Variants in KCNAB1 observed in about 807,000 individuals in gnomAD.
KCNAB1 encodes the protein potassium voltage-gated channel subfamily A regulatory beta subunit 1.
KCNAB1 carries 35 observed loss-of-function variants against 64.6 expected under a neutral mutation model. The observed-to-expected ratio is 0.54, with a 90% CI of 0.41 to 0.72. The LOEUF is 0.72. Ranked by LOEUF, KCNAB1 falls within the 30% of genes least tolerant of loss-of-function variation. The pLI is 0.00. For missense variants in KCNAB1, 401 were observed against 512.9 expected, an observed-to-expected ratio of 0.78 and a Z score of 2.11; for synonymous variants, 177 against 183.8, an observed-to-expected ratio of 0.96 and a Z score of 0.30.
At chr3:156,206,835 G>T (rs1386235552) in intron 1 of KCNAB1, among the ~76,000 whole-genome samples, 2 of 152,048 alleles carry the variant, frequency 1.3e-5, no homozygotes, top group African/African-American at 2.4e-5. Flanking sequence ...CAATCCTTTT[G>T]TATTTTATTT....
chr3:156,384,169 T>C (rs1409381121), intron 1 of KCNAB1, among the ~76,000 whole-genome samples: 1 of 152,190 alleles, frequency 6.6e-6, no homozygotes, highest in Non-Finnish European at 1.5e-5. Context: ...TTGCTAAAAA[T>C]GGATAATGGA....
At chr3:156,150,217 C>A (rs1169952473) in intron 1 of KCNAB1, among the ~76,000 whole-genome samples, 1 of 152,098 alleles carries the variant, frequency 6.6e-6, no homozygotes, top group African/African-American at 2.4e-5. Context: ...GTGAAAGGGG[C>A]TTATTCAAAA....
chr3:156,372,074 A>G (rs867314186), intron 1 of KCNAB1, among the ~76,000 whole-genome samples: 2 of 152,178 alleles, frequency 1.3e-5, no homozygotes, highest in South Asian at 4.2e-4. Context: ...TCTGGTTTAG[A>G]GGACCTTACT....
At chr3:156,277,795 T>C (rs894079581) in intron 1 of KCNAB1, among the ~76,000 whole-genome samples, 1 of 152,188 alleles carries the variant, frequency 6.6e-6, no homozygotes, top group Non-Finnish European at 1.5e-5. Flanking sequence ...AGCAGTTCTA[T>C]TATTAGCTTG....
At chr3:156,185,877 T>C (rs2108353335) in intron 1 of KCNAB1, among the ~76,000 whole-genome samples, 1 of 152,342 alleles carries the variant, frequency 6.6e-6, no homozygotes, top group East Asian at 1.9e-4. Context: ...TGCCAGTTGG[T>C]GCCTTTTGGG....
At chr3:156,289,856 G>A (rs1303923710) in intron 1 of KCNAB1, among the ~76,000 whole-genome samples, 3 of 152,194 alleles carry the variant, frequency 2.0e-5, no homozygotes. Flanking sequence ...GGTCAGACCA[G>A]CTATTTTTTT....
rs546291417 is a variant in KCNAB1 at position 156,458,972 on chromosome 3, G to A, written c.438-855G>A. Among the ~76,000 whole-genome samples the A allele has an allele frequency of 7.9e-5, 12 of 152,290 alleles. No individual in the cohort carries two copies. The South Asian group carries it at 1.0e-3, about 13-fold the overall frequency. ...TTGGGGCATGCTCCACAGCTAACCC[G>A]CATCATGGCTTATTGCAAGCTATAC... On this transcript the variant is annotated intron_variant, in intron 4 of 13. Transcript: ENST00000490337.
At chr3:156,450,988 A>G (rs1318979599) in intron 2 of KCNAB1, among the ~76,000 whole-genome samples, 1 of 152,072 alleles carries the variant, frequency 6.6e-6, no homozygotes, top group Non-Finnish European at 1.5e-5. Context: ...CATGGTGGTA[A>G]AAAGCTACTA....
intron 2 of KCNAB1, among the ~76,000 whole-genome samples, chr3:156,442,293 C>CA (rs1292685996): frequency 6.6e-6 from 1 of 152,162 alleles, no homozygotes. Context: ...CTCTAGAGAG[C>CA]AATGTCAATC....
chr3:156,183,950 G>T (rs1713029641), intron 1 of KCNAB1, among the ~76,000 whole-genome samples: 2 of 152,162 alleles, frequency 1.3e-5, no homozygotes, highest in Admixed American at 6.5e-5. Flanking sequence ...GTGACCCTCA[G>T]TCCCCTTATT....
intron 1 of KCNAB1, among the ~76,000 whole-genome samples, chr3:156,198,538 T>C (rs1714106484): frequency 6.6e-6 from 1 of 152,172 alleles, no homozygotes; most frequent in African/African-American, 2.4e-5. Context: ...TTTACCATTA[T>C]GTAATGCCCT....
At chr3:156,408,532 C>T (rs1281436337) in intron 1 of KCNAB1, among the ~76,000 whole-genome samples, 1 of 152,208 alleles carries the variant, frequency 6.6e-6, no homozygotes, top group Non-Finnish European at 1.5e-5. Context: ...GTAATCCCAG[C>T]ACTTTGGGAG....
intron 7 of KCNAB1, among the ~76,000 whole-genome samples, chr3:156,467,978 T>C (rs1007353516): frequency 6.6e-6 from 1 of 152,142 alleles, no homozygotes; most frequent in Non-Finnish European, 1.5e-5. Context: ...GTCAGGCTAT[T>C]TTTCTTTTGA....
chr3:156,200,415 G>T (rs368639849), intron 1 of KCNAB1, among the ~76,000 whole-genome samples: 25 of 152,306 alleles, frequency 1.6e-4, no homozygotes, highest in Non-Finnish European at 2.8e-4. Flanking sequence ...CTGAAGCTGC[G>T]CCCATAGGCA....
chr3:156,468,686 CATT>C (rs1382669339), intron 7 of KCNAB1, among the ~76,000 whole-genome samples: 4 of 152,204 alleles, frequency 2.6e-5, no homozygotes, highest in Non-Finnish European at 5.9e-5. Flanking sequence ...TTGTCATCAT[CATT>C]GTCCTTATAA....
intron 1 of KCNAB1, among the ~76,000 whole-genome samples, chr3:156,339,270 A>C (rs1306604452): frequency 1.3e-5 from 2 of 152,170 alleles, no homozygotes; most frequent in East Asian, 1.9e-4. Flanking sequence ...CTGGAACATA[A>C]GGACTATTTT....
chr3:156,350,506 CAA>C (rs60606856), intron 1 of KCNAB1, among the ~76,000 whole-genome samples: 1,885 of 98,834 alleles, frequency 0.019, 34 homozygotes, highest in South Asian at 0.11. Context: ...GACCCTGTCT[CAA>C]AAAAAAAAAA....
chr3:156,350,645 A>G (rs1724796454), intron 1 of KCNAB1, among the ~76,000 whole-genome samples: 1 of 152,224 alleles, frequency 6.6e-6, no homozygotes, highest in Non-Finnish European at 1.5e-5. Flanking sequence ...GAAAAATGGA[A>G]TTCTAAATTG....
At chr3:156,164,389 C>T (rs531130095) in intron 1 of KCNAB1, among the ~76,000 whole-genome samples, 1 of 152,212 alleles carries the variant, frequency 6.6e-6, no homozygotes, top group African/African-American at 2.4e-5. Flanking sequence ...ATCATTTTTC[C>T]ATCAGTGTCC....
Sources: allele counts gnomAD v4.1 joint callset (sites outside exome capture counted in the v4.1 genomes callset), GRCh38; gene constraint gnomAD v4.1.1; transcripts MANE v1.5; gene names NCBI Gene and HGNC (gene_info 2026-07-23, HGNC 2026-07-21).